The following UBE2Q2 variants were observed in gnomAD, a reference collection of about 807,000 sequenced individuals.
UBE2Q2 encodes ubiquitin conjugating enzyme E2 Q2, also known as ubiquitin-conjugating enzyme E2 Q2.
Under a neutral mutation model 59.9 loss-of-function variants are expected in UBE2Q2, and 54 were observed. That is an observed-to-expected ratio of 0.90 (90% CI 0.72 to 1.13). The LOEUF (loss-of-function observed/expected upper bound fraction) is 1.13, where lower values mean the gene tolerates loss of function less well. Among genes scored for constraint, UBE2Q2 ranks in the 50% most tolerant of loss-of-function variants. UBE2Q2 has a pLI of 0.00. For missense variants in UBE2Q2, 433 were observed against 441.9 expected (o/e 0.98, Z 0.18); for synonymous variants, 165 against 155.2 (o/e 1.06, Z -0.47).
chr15:75,848,705 G>A (rs557914372), intron 1 of UBE2Q2, among the ~76,000 whole-genome samples: 4 of 152,130 alleles, frequency 2.6e-5, no homozygotes, highest in African/African-American at 7.2e-5. Flanking sequence ...ACCTGGAAAA[G>A]GGTAGTATTT....
intron 2 of UBE2Q2, among the ~76,000 whole-genome samples, chr15:75,858,159 A>G (rs2141568654): frequency 6.6e-6 from 1 of 152,172 alleles, no homozygotes; most frequent in South Asian, 2.1e-4. Flanking sequence ...TCTCTGAGTA[A>G]TATTTTACTC....
intron 2 of UBE2Q2, among the ~76,000 whole-genome samples, chr15:75,857,697 A>G (rs1020391948): frequency 2.6e-5 from 4 of 152,000 alleles, no homozygotes; most frequent in Non-Finnish European, 4.4e-5. Context: ...TCCACCAATA[A>G]AGAGTTGGTT....
At chr15:75,884,394 C>T (rs1898635793) in intron 9 of UBE2Q2, among the ~76,000 whole-genome samples, 1 of 152,194 alleles carries the variant, frequency 6.6e-6, no homozygotes, top group South Asian at 2.1e-4. Context: ...TTTGTTCCTA[C>T]AGTTATTTTT....
intron 2 of UBE2Q2, among the ~76,000 whole-genome samples, chr15:75,856,388 G>T (rs1896919912): frequency 6.6e-6 from 1 of 151,424 alleles, no homozygotes; most frequent in Non-Finnish European, 1.5e-5. Flanking sequence ...AAAAAATAAA[G>T]AATAGACTTG....
chr15:75,862,403 CTTAGT>C (rs1169099327), intron 3 of UBE2Q2, among the ~76,000 whole-genome samples: 2 of 149,060 alleles, frequency 1.3e-5, no homozygotes, highest in African/African-American at 4.9e-5. Flanking sequence ...AAATTTTTTT[CTTAGT>C]TTATTTTGGT....
chr15:75,844,968 A>C (rs993452213), intron 1 of UBE2Q2, among the ~76,000 whole-genome samples: 20 of 117,854 alleles, frequency 1.7e-4, no homozygotes, highest in African/African-American at 6.9e-4. Context: ...TGTTAATTTC[A>C]AAAAAAAAAA....
At chr15:75,859,349 C>T (rs1259375185) in intron 2 of UBE2Q2, among the ~76,000 whole-genome samples, 1 of 152,074 alleles carries the variant, frequency 6.6e-6, no homozygotes, top group African/African-American at 2.4e-5. Flanking sequence ...TAGACTCATA[C>T]TCAGGGAATT....
chr15:75,883,217 A>T, intron 8 of UBE2Q2, 149 bp from the exon 9 acceptor site: 1 of 638,118 alleles, frequency 1.6e-6, no homozygotes. Flanking sequence ...TTTGGTTTTC[A>T]TTTTGGTTTT....
At chr15:75,883,799 G>A (rs1033916557) in intron 9 of UBE2Q2, among the ~76,000 whole-genome samples, 1 of 151,724 alleles carries the variant, frequency 6.6e-6, no homozygotes. Context: ...TTGTTGATAG[G>A]TAAAGTTTTT....
At chr15:75,889,015 C>A (rs1317584623) in intron 9 of UBE2Q2, among the ~76,000 whole-genome samples, 1 of 152,096 alleles carries the variant, frequency 6.6e-6, no homozygotes, top group East Asian at 1.9e-4. Context: ...ACTCATCAAC[C>A]GATTATTAAG....
intron 1 of UBE2Q2, among the ~76,000 whole-genome samples, chr15:75,846,303 C>T (rs1371788321): frequency 6.6e-6 from 1 of 152,092 alleles, no homozygotes; most frequent in African/African-American, 2.4e-5. Flanking sequence ...AGTGGTGTGA[C>T]CTGGGCCCAC....
chr15:75,890,828 C>T (rs902241850), intron 10 of UBE2Q2, 91 bp from the exon 11 acceptor site: 1 of 1,042,970 alleles, frequency 9.6e-7, no homozygotes, highest in Non-Finnish European at 1.4e-6. Flanking sequence ...CACTGATTTG[C>T]TGCTGTTGAG....
chr15:75,847,375 G>GT (rs1382968822), intron 1 of UBE2Q2, among the ~76,000 whole-genome samples: 1 of 152,166 alleles, frequency 6.6e-6, no homozygotes, highest in African/African-American at 2.4e-5. Flanking sequence ...ATATGAGAGT[G>GT]TAAGAAGTGA....
intron 5 of UBE2Q2, among the ~76,000 whole-genome samples, chr15:75,874,951 C>T (rs960445760): frequency 1.1e-4 from 16 of 152,256 alleles, no homozygotes; most frequent in Middle Eastern, 3.4e-3. Context: ...ATTACTCTCC[C>T]TCCTTCAGTC....
intron 9 of UBE2Q2, among the ~76,000 whole-genome samples, chr15:75,889,611 G>A (rs1395540015): frequency 2.0e-5 from 3 of 152,132 alleles, no homozygotes; most frequent in African/African-American, 7.2e-5. Flanking sequence ...GCAGAGCCCC[G>A]GAGGACAGAA....
chr15:75,880,090 A>C (rs1368046697), intron 8 of UBE2Q2, among the ~76,000 whole-genome samples: 2 of 151,936 alleles, frequency 1.3e-5, no homozygotes, highest in East Asian at 3.8e-4. Context: ...TTTATGTGTT[A>C]TATTTAATAA....
chr15:75,880,856 A>G (rs765554507), intron 8 of UBE2Q2, among the ~76,000 whole-genome samples: 2 of 152,194 alleles, frequency 1.3e-5, no homozygotes, highest in Admixed American at 6.5e-5. Context: ...GGAAAAAGCA[A>G]TACTTCCTTT....
At chr15:75,896,953 C>A in intron 11 of UBE2Q2, 42 bp from the exon 12 acceptor site, 1 of 1,281,294 alleles carries the variant, frequency 7.8e-7, no homozygotes, top group African/African-American at 1.5e-5. Context: ...ATAATTTTCA[C>A]CTAATTACAC....
rs199867437 is a variant in UBE2Q2 at position 75,862,884 on chromosome 15, G to C, written c.387+2902G>C. On this transcript the variant is annotated intron_variant, in intron 3 of 12. Coordinates refer to ENST00000267938, the MANE Select transcript of UBE2Q2 (RefSeq NM_173469.4). The stretch of plus-strand genomic sequence containing the variant: ...GAGTTCTTTGTGGCCAAGACTGGTA[G>C]CTTTTAGTGGGAATTTAGGCTGATT... 9.3e-5 allele frequency among the ~76,000 whole-genome samples: 14 copies of C among 150,522 alleles called. No individual in the cohort carries two copies. The East Asian group carries it at 2.7e-3, about 29-fold the overall frequency.
Sources: allele counts gnomAD v4.1 joint callset (sites outside exome capture counted in the v4.1 genomes callset), GRCh38; gene constraint gnomAD v4.1.1; transcripts MANE v1.5; gene names NCBI Gene and HGNC (gene_info 2026-07-23, HGNC 2026-07-21).